RIC1: variants seen among roughly 807,000 people sequenced by gnomAD.
The protein encoded by RIC1 is RIC1 partner of RAB6A GEF complex.
Under a neutral mutation model 169.0 loss-of-function variants are expected in RIC1, and 88 were observed. The observed-to-expected ratio is 0.52, with a 90% confidence interval of 0.44 to 0.62. The LOEUF is 0.62. Ranked by LOEUF, RIC1 falls within the 20% of genes least tolerant of loss-of-function variation. The probability of loss-of-function intolerance (pLI) is 0.00; values close to 1 mark genes in which losing one functional copy is unlikely to be tolerated. For missense variants in RIC1, 1,877 were observed against 1,725.5 expected (o/e 1.09, Z -1.56); for synonymous variants, 790 against 601.5 (o/e 1.31, Z -4.59).
At chr9:5,742,646 T>C (rs1380891585) in intron 8 of RIC1, among the ~76,000 whole-genome samples, 1 of 152,174 alleles carries the variant, frequency 6.6e-6, no homozygotes, top group African/African-American at 2.4e-5. Context: ...TTTCACTTCT[T>C]ACAAATCACC....
chr9:5,672,982 C>T (rs138300648), intron 2 of RIC1, among the ~76,000 whole-genome samples: 5 of 152,100 alleles, frequency 3.3e-5, no homozygotes, highest in Admixed American at 1.3e-4. Context: ...GGTTAAGTAA[C>T]GGTATGTTCG....
intron 2 of RIC1, among the ~76,000 whole-genome samples, chr9:5,680,391 G>T (rs1820743456): frequency 2.0e-5 from 3 of 152,262 alleles, no homozygotes; most frequent in South Asian, 4.1e-4. Flanking sequence ...TTTTTCTATT[G>T]ATTGGAATAG....
chr9:5,734,703 TC>T (rs1374386313), intron 7 of RIC1, among the ~76,000 whole-genome samples: 5 of 152,092 alleles, frequency 3.3e-5, no homozygotes, highest in Non-Finnish European at 7.4e-5. Flanking sequence ...TACTTCCTAG[TC>T]ACAACTCTTA....
downstream of RIC1, among the ~76,000 whole-genome samples, chr9:5,777,169 C>T (rs557164589): frequency 2.6e-5 from 4 of 152,032 alleles, no homozygotes; most frequent in Non-Finnish European, 1.5e-5. Context: ...AGAAAAATGT[C>T]TGTTTAATTA....
At chr9:5,677,242 A>G (rs912011542) in intron 2 of RIC1, among the ~76,000 whole-genome samples, 1 of 152,154 alleles carries the variant, frequency 6.6e-6, no homozygotes, top group Non-Finnish European at 1.5e-5. Context: ...GTGATATCTC[A>G]TTATAATTTT....
chr9:5,765,311 G>A, intron 19 of RIC1, 103 bp from the exon 20 acceptor site: 4 of 1,220,344 alleles, frequency 3.3e-6, no homozygotes, highest in Non-Finnish European at 4.6e-6. Context: ...CCCTGTGGTG[G>A]TGTGGCTACA....
At chr9:5,739,016 C>T (rs567072668) in intron 8 of RIC1, among the ~76,000 whole-genome samples, 2 of 152,200 alleles carry the variant, frequency 1.3e-5, no homozygotes, top group East Asian at 3.9e-4. Context: ...ACTGAGGTTC[C>T]CACTGTTAGA....
chr9:5,774,540 G>C lies in RIC1; in HGVS notation c.*294G>C. 1 of 225,146 alleles carries C rather than the reference G, an allele frequency of 4.4e-6. No individual in the cohort carries two copies. The highest frequency in any genetic ancestry group is 2.3e-5 in the African/African-American group (1 of 44,366). 13.9% of individuals were successfully genotyped at this position (225,146 alleles called of 1,614,324 possible). ...AAGGTTGGTAGCTCTTAAACCACAG[G>C]AATTGTTTTGCCCCAGGTGAGCTTA... On this transcript the variant is annotated 3_prime_UTR_variant, in exon 26 of 26. Transcript: ENST00000414202.
intron 6 of RIC1, among the ~76,000 whole-genome samples, chr9:5,727,334 A>C (rs1303668181): frequency 6.6e-6 from 1 of 151,788 alleles, no homozygotes; most frequent in Non-Finnish European, 1.5e-5. Flanking sequence ...CAAATCGGCT[A>C]CTGAAGCTTG....
At chr9:5,706,368 C>T (rs188936175) in intron 3 of RIC1, among the ~76,000 whole-genome samples, 24 of 152,288 alleles carry the variant, frequency 1.6e-4, no homozygotes, top group Non-Finnish European at 3.1e-4. Flanking sequence ...AGGAGAATTG[C>T]TTGAACCAGG....
rs529282261 is a variant in RIC1 at position 5,629,272 on chromosome 9, C to G, written c.-38C>G. 2 of 1,442,720 alleles carry G rather than the reference C, an allele frequency of 1.4e-6. No homozygotes were observed. The highest frequency in any genetic ancestry group is 1.3e-5 in the South Asian group (1 of 74,866). The allele number at this position is 1,442,720 out of a possible 1,614,324, so 89.4% of individuals were successfully genotyped here. On this transcript the variant is annotated 5_prime_UTR_variant, in exon 1 of 26. Coordinates refer to ENST00000414202, the MANE Select transcript of RIC1 (RefSeq NM_020829.4). ...ACCAGCCCGGGGCCGCTGAGTGTGACGGACGCAACTGGGGGCGCCGGGGGC... is the reference window on the plus strand; with the variant it reads ...ACCAGCCCGGGGCCGCTGAGTGTGAGGGACGCAACTGGGGGCGCCGGGGGC...
At chr9:5,756,531 T>A (rs773475159) in intron 16 of RIC1, among the ~76,000 whole-genome samples, 159 bp downstream of exon 16, 1 of 151,872 alleles carries the variant, frequency 6.6e-6, no homozygotes, top group Non-Finnish European at 1.5e-5. Context: ...GATATTGATA[T>A]AATAGCTAAA....
intron 7 of RIC1, among the ~76,000 whole-genome samples, chr9:5,737,299 G>A (rs1415377588): frequency 6.9e-6 from 1 of 145,392 alleles, no homozygotes; most frequent in East Asian, 1.9e-4. Flanking sequence ...TTGTAAAGAT[G>A]TTTTAAATTA....
chr9:5,770,424 A>C, intron 23 of RIC1, 146 bp downstream of exon 23: 1 of 668,688 alleles, frequency 1.5e-6, no homozygotes, highest in South Asian at 2.3e-5. Context: ...AAGTTTGTAG[A>C]ACAAGGCCAA....
Position 5,770,156 on chromosome 9 carries a change from C to A in RIC1, c.3494C>A (p.Ser1165Tyr), listed in dbSNP as rs1827108059. 6.2e-7 allele frequency: 1 copy of A among 1,613,924 alleles called. No individual in the cohort carries two copies. Among genetic ancestry groups the A allele is most frequent in the African/African-American group, 1.3e-5 (1 of 75,044 alleles). Residue 1165 changes from serine (S) to tyrosine (Y), a missense_variant, in exon 23 of 26, where the codon TCC (serine) becomes TAC (tyrosine). By Grantham distance (144) the Ser-to-Tyr change is moderately radical (BLOSUM62 -2). Coordinates refer to ENST00000414202, the MANE Select transcript of RIC1 (RefSeq NM_020829.4). Reference protein sequence around the residue: ...FLNLEMDAGISNIQRSQSWLS... With the variant: ...FLNLEMDAGIYNIQRSQSWLS... ...AACCTTGAGATGGATGCTGGCATCT[C>A]CAACATCCAGCGAAGTCAGAGCTGG...
intron 2 of RIC1, among the ~76,000 whole-genome samples, chr9:5,665,628 G>A (rs1225397803): frequency 6.6e-6 from 1 of 152,112 alleles, no homozygotes; most frequent in African/African-American, 2.4e-5. Flanking sequence ...GTTTTTTGTA[G>A]GGTCTTTTTT....
In RIC1 at chr9:5,756,195, A is replaced by AT. The variant is rs1826002801; in HGVS notation, c.1693-12dup. ...TTATCTTGTTTTTATAATTTTCTTC[A>AT]TTTTTGTTTTCTTCAGCTTAGAGTA... On this transcript the variant is annotated splice_polypyrimidine_tract_variant and intron_variant, in intron 15 of 25. Coordinates refer to ENST00000414202, the MANE Select transcript of RIC1 (RefSeq NM_020829.4). The AT allele has an allele frequency of 6.7e-7, 1 of 1,482,058 alleles. No homozygotes were observed. The allele number at this position is 1,482,058 out of a possible 1,614,324, so 91.8% of individuals were successfully genotyped here.
chr9:5,629,483 G>T, intron 1 of RIC1, 30 bp downstream of exon 1: 1 of 1,516,060 alleles, frequency 6.6e-7, no homozygotes, highest in Non-Finnish European at 8.8e-7. Context: ...GCCTTTCGCC[G>T]CTGCCTCCCC....
intron 2 of RIC1, among the ~76,000 whole-genome samples, chr9:5,665,483 G>A (rs1000866278): frequency 5.3e-5 from 8 of 152,168 alleles, no homozygotes; most frequent in Admixed American, 5.2e-4. Context: ...GCCCTTGCTG[G>A]AGAGGTGTTG....
Sources: gnomAD v4.1 joint callset for allele counts (sites outside exome capture counted in the v4.1 genomes callset) on GRCh38, gnomAD v4.1.1 for gene constraint, MANE v1.5 for transcripts, NCBI Gene and HGNC (gene_info 2026-07-23, HGNC 2026-07-21) for gene names.